The following LHFPL3 variants were observed in gnomAD, a reference collection of about 807,000 sequenced individuals.
LHFPL3 encodes the protein LHFPL tetraspan subfamily member 3 protein.
Under a neutral mutation model 19.3 loss-of-function variants are expected in LHFPL3, and 5 were observed. The observed-to-expected ratio is 0.26, with a 90% CI of 0.14 to 0.54. The LOEUF (loss-of-function observed/expected upper bound fraction) is 0.54. LHFPL3 is among the 20% of genes least tolerant of loss of function. LHFPL3 has a pLI of 0.94. For missense variants in LHFPL3, 249 were observed against 307.4 expected (o/e 0.81, Z 1.42); for synonymous variants, 133 against 126.2 (o/e 1.05, Z -0.36).
At chr7:104,346,484 A>G (rs966422375) in intron 1 of LHFPL3, among the ~76,000 whole-genome samples, 10 of 152,122 alleles carry the variant, frequency 6.6e-5, no homozygotes, top group South Asian at 2.1e-4. Flanking sequence ...CCATTGCTCA[A>G]TGGGGAACAG....
intron 2 of LHFPL3, chr7:104,894,691 G>C (rs1437972114): frequency 6.6e-6 from 1 of 152,170 alleles, no homozygotes; most frequent in Non-Finnish European, 1.5e-5. Context: ...GGAGGTCTAA[G>C]AAACTGCTTT....
intron 1 of LHFPL3, among the ~76,000 whole-genome samples, chr7:104,528,071 T>A (rs1794224000): frequency 6.6e-6 from 1 of 152,208 alleles, no homozygotes; most frequent in Non-Finnish European, 1.5e-5. Context: ...GCGAGATTCA[T>A]GTGGAAGGCG....
intron 1 of LHFPL3, among the ~76,000 whole-genome samples, chr7:104,615,593 A>G (rs1791316740): frequency 6.6e-6 from 1 of 152,168 alleles, no homozygotes; most frequent in Non-Finnish European, 1.5e-5. Flanking sequence ...TTACATAGGT[A>G]TACATATGCC....
chr7:104,823,972 C>A (rs1428253545), intron 2 of LHFPL3, among the ~76,000 whole-genome samples: 2 of 149,666 alleles, frequency 1.3e-5, no homozygotes, highest in Admixed American at 1.4e-4. Flanking sequence ...ATGGTGAAAC[C>A]ACATCTCTAC....
At chr7:104,391,810 T>C (rs1474209058) in intron 1 of LHFPL3, among the ~76,000 whole-genome samples, 5 of 152,188 alleles carry the variant, frequency 3.3e-5, no homozygotes, top group Non-Finnish European at 7.3e-5. Flanking sequence ...ATTCTTCCTA[T>C]CCATGAGCAT....
chr7:104,673,842 G>T (rs1225110779), intron 1 of LHFPL3, among the ~76,000 whole-genome samples: 1 of 152,148 alleles, frequency 6.6e-6, no homozygotes, highest in Non-Finnish European at 1.5e-5. Context: ...TTAAACCTTA[G>T]AACAAGATAA....
At chr7:104,333,864 A>G (rs958716045) in intron 1 of LHFPL3, among the ~76,000 whole-genome samples, 2 of 152,226 alleles carry the variant, frequency 1.3e-5, no homozygotes, top group Non-Finnish European at 2.9e-5. Flanking sequence ...TTTGTACAGC[A>G]TAGAGGTCAA....
intron 2 of LHFPL3, among the ~76,000 whole-genome samples, chr7:104,745,217 C>T (rs1794017531): frequency 6.6e-6 from 1 of 152,184 alleles, no homozygotes; most frequent in African/African-American, 2.4e-5. Flanking sequence ...TCCTGGGAAA[C>T]TTTTGCTTTC....
intron 1 of LHFPL3, among the ~76,000 whole-genome samples, chr7:104,573,762 C>G (rs1366521520): frequency 6.6e-6 from 1 of 152,230 alleles, no homozygotes; most frequent in Non-Finnish European, 1.5e-5. Context: ...TAGTGAGAGA[C>G]AGTCCCCTCT....
intron 1 of LHFPL3, among the ~76,000 whole-genome samples, chr7:104,635,257 A>G (rs1297095530): frequency 3.3e-5 from 5 of 152,188 alleles, no homozygotes; most frequent in African/African-American, 1.2e-4. Context: ...CTTAAAAGAC[A>G]GAAAGAAATG....
At chr7:104,610,399 AAGAGAG>A (rs147861540) in intron 1 of LHFPL3, among the ~76,000 whole-genome samples, 2 of 150,852 alleles carry the variant, frequency 1.3e-5, no homozygotes, top group African/African-American at 2.4e-5. Flanking sequence ...AGAAACAGAA[AAGAGAG>A]AGAGAGAGAG....
intron 1 of LHFPL3, among the ~76,000 whole-genome samples, chr7:104,567,820 C>G (rs1790152172): frequency 6.6e-6 from 1 of 152,204 alleles, no homozygotes; most frequent in Admixed American, 6.5e-5. Context: ...CATAGTGCTA[C>G]TGCAGAACTA....
chr7:104,573,078 T>A (rs2115994877), intron 1 of LHFPL3, among the ~76,000 whole-genome samples: 1 of 152,348 alleles, frequency 6.6e-6, no homozygotes. Flanking sequence ...GGAAGTTTCC[T>A]TTCAATCGAT....
rs186075369 is a variant in LHFPL3 at position 104,375,193 on chromosome 7, G to T, written c.445+45969G>T. Among the ~76,000 whole-genome samples, 43 of 152,192 alleles carry T rather than the reference G, an allele frequency of 2.8e-4. 1 individual carries two copies. The South Asian group carries it at 7.7e-3, about 27-fold the overall frequency. ...GTCTCTACTGAAAATACAAAAATTA[G>T]CTGGGTGTGGTGGTGTGCACCTGTA... On this transcript the variant is annotated intron_variant, in intron 1 of 2. Transcript: ENST00000424859.
At chr7:104,517,719 G>A (rs1793948995) in intron 1 of LHFPL3, among the ~76,000 whole-genome samples, 1 of 152,008 alleles carries the variant, frequency 6.6e-6, no homozygotes, top group African/African-American at 2.4e-5. Flanking sequence ...TGTTGGCCAG[G>A]CTGGTCTTAA....
chr7:104,886,833 A>G (rs77620687), intron 2 of LHFPL3, among the ~76,000 whole-genome samples: 114 of 152,360 alleles, frequency 7.5e-4, no homozygotes, highest in Non-Finnish European at 1.5e-3. Context: ...AATTATATTA[A>G]TGGAGTCTCC....
intron 1 of LHFPL3, among the ~76,000 whole-genome samples, chr7:104,672,922 A>G (rs995881859): frequency 7.2e-5 from 11 of 152,136 alleles, no homozygotes; most frequent in African/African-American, 2.4e-4. Flanking sequence ...TCAATCACTA[A>G]AGGAAAAATA....
At chr7:104,588,968 C>G (rs1396707138) in intron 1 of LHFPL3, among the ~76,000 whole-genome samples, 3 of 152,100 alleles carry the variant, frequency 2.0e-5, no homozygotes, top group Non-Finnish European at 2.9e-5. Flanking sequence ...GATTTTGTAT[C>G]CTGAGACTGC....
chr7:104,701,911 G>A (rs2116177500), intron 1 of LHFPL3, among the ~76,000 whole-genome samples: 1 of 152,170 alleles, frequency 6.6e-6, no homozygotes, highest in Non-Finnish European at 1.5e-5. Context: ...TACATGTGCA[G>A]AACATTCAGG....
Sources: allele counts gnomAD v4.1 joint callset (sites outside exome capture counted in the v4.1 genomes callset), GRCh38; gene constraint gnomAD v4.1.1; transcripts MANE v1.5; gene names NCBI Gene and HGNC (gene_info 2026-07-23, HGNC 2026-07-21).